Variants in ADAMTSL1 observed in about 807,000 individuals in gnomAD.
ADAMTSL1 encodes the protein ADAMTS like 1, also known as ADAMTS-like protein 1.
A neutral mutation model predicts 201.8 loss-of-function variants in ADAMTSL1; 126 were observed. That is an observed-to-expected ratio of 0.62 (90% CI 0.54 to 0.72). The LOEUF (loss-of-function observed/expected upper bound fraction) is 0.72, where lower values mean the gene tolerates loss of function less well. Ranked by LOEUF, ADAMTSL1 falls within the 30% of genes least tolerant of loss-of-function variation. ADAMTSL1 has a pLI of 0.00. For synonymous variants in ADAMTSL1, 1,121 were observed against 903.4 expected, an observed-to-expected ratio of 1.24 and a Z score of -4.32; for missense variants, 2,679 against 2,277.8, an observed-to-expected ratio of 1.18 and a Z score of -3.59.
At chr9:18,865,198 ACC>A (rs774585833) in intron 23 of ADAMTSL1, among the ~76,000 whole-genome samples, 13 of 145,968 alleles carry the variant, frequency 8.9e-5, no homozygotes, top group Non-Finnish European at 1.8e-4. Flanking sequence ...CGCTCCCCCC[ACC>A]CCACAATAGG....
chr9:18,651,646 T>C (rs1387219706), intron 7 of ADAMTSL1, among the ~76,000 whole-genome samples: 1 of 152,182 alleles, frequency 6.6e-6, no homozygotes, highest in Non-Finnish European at 1.5e-5. Context: ...AAAATTTGGT[T>C]AGGAAGAGTG....
chr9:18,047,286 G>C (rs1051664326), intron 1 of ADAMTSL1, among the ~76,000 whole-genome samples: 1 of 152,144 alleles, frequency 6.6e-6, no homozygotes, highest in Admixed American at 6.5e-5. Context: ...TTTCAACCCA[G>C]GGTAATTTTG....
At chr9:18,432,673 C>T (rs1024744124) in intron 2 of ADAMTSL1, among the ~76,000 whole-genome samples, 1 of 152,166 alleles carries the variant, frequency 6.6e-6, no homozygotes, top group Admixed American at 6.5e-5. Flanking sequence ...CTCAGATAAC[C>T]TCTTTTATTG....
At chr9:18,866,411 T>C (rs980126371) in intron 23 of ADAMTSL1, among the ~76,000 whole-genome samples, 1 of 152,218 alleles carries the variant, frequency 6.6e-6, no homozygotes, top group African/African-American at 2.4e-5. Flanking sequence ...AAAGTTTTTA[T>C]AAAATAAGCT....
chr9:18,641,539 T>G (rs1827439045), intron 7 of ADAMTSL1, among the ~76,000 whole-genome samples: 1 of 152,020 alleles, frequency 6.6e-6, no homozygotes, highest in Non-Finnish European at 1.5e-5. Flanking sequence ...TTTTAATATT[T>G]TGTGTTGCTT....
intron 1 of ADAMTSL1, among the ~76,000 whole-genome samples, chr9:17,978,961 GT>G (rs57502483): frequency 1.0e-3 from 155 of 148,706 alleles, no homozygotes; most frequent in African/African-American, 3.7e-3. Context: ...TTGGTTGACA[GT>G]TTTTTTTTTT....
At chr9:18,620,530 G>C (rs1483418223) in intron 4 of ADAMTSL1, among the ~76,000 whole-genome samples, 1 of 152,192 alleles carries the variant, frequency 6.6e-6, no homozygotes, top group African/African-American at 2.4e-5. Context: ...ATACAGAACT[G>C]ATCAGCTCAT....
chr9:18,713,256 C>T (rs1832721439), intron 14 of ADAMTSL1, among the ~76,000 whole-genome samples: 1 of 151,750 alleles, frequency 6.6e-6, no homozygotes, highest in African/African-American at 2.4e-5. Context: ...ACAATATTAA[C>T]TTTAAATGTC....
chr9:18,030,212 C>T (rs1173469662), intron 1 of ADAMTSL1, among the ~76,000 whole-genome samples: 1 of 152,182 alleles, frequency 6.6e-6, no homozygotes, highest in African/African-American at 2.4e-5. Flanking sequence ...GAATACTATG[C>T]AGCCATAAAA....
At chr9:18,103,296 T>C (rs1276799104) in intron 1 of ADAMTSL1, among the ~76,000 whole-genome samples, 1 of 152,176 alleles carries the variant, frequency 6.6e-6, no homozygotes, top group African/African-American at 2.4e-5. Context: ...TTAGGGACAA[T>C]TTGTAGCAAA....
At chr9:18,906,954 G>A (rs758253475) in intron 28 of ADAMTSL1, 42 bp downstream of exon 28, 1 of 1,608,026 alleles carries the variant, frequency 6.2e-7, no homozygotes, top group South Asian at 1.1e-5. Context: ...ATTCCCCATA[G>A]AGCATCGAGT....
intron 1 of ADAMTSL1, among the ~76,000 whole-genome samples, chr9:18,061,759 T>C (rs1325875858): frequency 6.6e-6 from 1 of 152,232 alleles, no homozygotes; most frequent in African/African-American, 2.4e-5. Context: ...TTATAAATTA[T>C]TCTTTTTTAT....
At chr9:17,969,408 C>T (rs1054441376) in intron 1 of ADAMTSL1, among the ~76,000 whole-genome samples, 1 of 152,034 alleles carries the variant, frequency 6.6e-6, no homozygotes, top group African/African-American at 2.4e-5. Context: ...AGGAGGTAGA[C>T]TTTGCCTTCA....
intron 1 of ADAMTSL1, among the ~76,000 whole-genome samples, chr9:18,046,482 A>C (rs537793277): frequency 6.6e-6 from 1 of 152,254 alleles, no homozygotes; most frequent in African/African-American, 2.4e-5. Flanking sequence ...ACTTCTATTC[A>C]CATTTAACTG....
intron 23 of ADAMTSL1, among the ~76,000 whole-genome samples, chr9:18,885,427 G>T (rs1184900254): frequency 6.6e-6 from 1 of 152,182 alleles, no homozygotes; most frequent in Non-Finnish European, 1.5e-5. Flanking sequence ...TTATTCCTAA[G>T]TATTTTCTTC....
intron 20 of ADAMTSL1, among the ~76,000 whole-genome samples, chr9:18,807,817 C>T (rs1001408214): frequency 6.6e-6 from 1 of 152,164 alleles, no homozygotes; most frequent in Non-Finnish European, 1.5e-5. Context: ...TATCTTAACA[C>T]AAATGTATAA....
intron 20 of ADAMTSL1, chr9:18,796,611 G>C (rs1341996301): frequency 6.6e-6 from 1 of 152,216 alleles, no homozygotes; most frequent in African/African-American, 2.4e-5. Flanking sequence ...CATGACTTCA[G>C]GCTGATCTGG....
chr9:18,829,236 T>C (rs1416834935), intron 22 of ADAMTSL1, among the ~76,000 whole-genome samples: 1 of 152,236 alleles, frequency 6.6e-6, no homozygotes, highest in Non-Finnish European at 1.5e-5. Context: ...TTCTGAATGA[T>C]GAAGCATCGC....
chr9:18,035,517 T>TA (rs1363652778), intron 1 of ADAMTSL1, among the ~76,000 whole-genome samples: 1 of 152,168 alleles, frequency 6.6e-6, no homozygotes, highest in East Asian at 1.9e-4. Flanking sequence ...TTCAGATACT[T>TA]ATACAATTTA....
Sources: allele counts gnomAD v4.1 joint callset (sites outside exome capture counted in the v4.1 genomes callset), GRCh38; gene constraint gnomAD v4.1.1; transcripts MANE v1.5; gene names NCBI Gene and HGNC (gene_info 2026-07-23, HGNC 2026-07-21).